The following SMARCD3 variants were observed in gnomAD, a reference collection of about 807,000 sequenced individuals.
SMARCD3 encodes the protein SWI/SNF related BAF chromatin remodeling complex subunit D3.
In SMARCD3, 14 loss-of-function variants were observed where a neutral mutation model predicts 58.0. The observed-to-expected ratio is 0.24, with a 90% CI of 0.16 to 0.38. SMARCD3 has a LOEUF of 0.38. Among genes scored for constraint, SMARCD3 ranks in the 10% least tolerant of loss-of-function variants. The probability of loss-of-function intolerance (pLI) is 1.00; values close to 1 mark genes in which losing one functional copy is unlikely to be tolerated. For synonymous variants in SMARCD3, 253 were observed against 253.8 expected (o/e 1.00, Z 0.03); for missense variants, 408 against 636.9 (o/e 0.64, Z 3.87).
At chr7:151,261,537 A>C (rs144364712) in intron 2 of SMARCD3, among the ~76,000 whole-genome samples, 1 of 152,292 alleles carries the variant, frequency 6.6e-6, no homozygotes, top group African/African-American at 2.4e-5. Context: ...GTGAAGATTA[A>C]AATGTGGTTG....
intron 2 of SMARCD3, among the ~76,000 whole-genome samples, chr7:151,259,072 C>A (rs1197132739): frequency 6.6e-6 from 1 of 152,100 alleles, no homozygotes; most frequent in Non-Finnish European, 1.5e-5. Flanking sequence ...AAGCTCCAGG[C>A]CGGGTGCAGT....
Position 151,242,649 on chromosome 7 carries a change from C to T in SMARCD3, c.457-46G>A, listed in dbSNP as rs201272648. 2.5e-4 allele frequency: 408 copies of T among 1,612,306 alleles called. No homozygotes were observed. The highest frequency in any genetic ancestry group is 3.0e-4 in the Non-Finnish European group (354 of 1,178,464). ...ACCGGGCGAATGCTGTGTGCTCCCA[C>T]CCCGACCACCCTGCTTCCCCATCCT... On this transcript the variant is annotated intron_variant, in intron 4 of 12. Coordinates refer to ENST00000262188, the MANE Select transcript of SMARCD3 (RefSeq NM_001003801.2). This position sits in a 1 kb window ranked among gnomAD's most constrained non-coding sequence, Gnocchi z 4.7.
At position 151,245,568 on chromosome 7, in the gene SMARCD3, G is replaced by T; in HGVS notation, c.182C>A (p.Ala61Asp). ...GCGGGCGGGCTCCATGCCCGCGGGG[G>T]CCAGGCCGGGTCGCACGGCGGGGCT... ...MGSPAVRPGL[A>D]PAGMEPARKR... The change falls in exon 2 of 13, where the codon GCC (alanine) becomes GAC (aspartate). Residue 61 changes from alanine (A) to aspartate (D), a missense_variant. By Grantham distance (126) the Ala-to-Asp change is moderately radical. Coordinates refer to ENST00000262188, the MANE Select transcript of SMARCD3 (RefSeq NM_001003801.2). The surrounding 1 kb of genome is among the most constrained non-coding windows in gnomAD (Gnocchi z 6.2). 2 of 1,172,640 alleles carry T rather than the reference G, an allele frequency of 1.7e-6. No individual in the cohort carries two copies. Among genetic ancestry groups the T allele is most frequent in the Non-Finnish European group, 2.1e-6 (2 of 935,206 alleles). The allele number at this position is 1,172,640 out of a possible 1,614,324, so 72.6% of individuals were successfully genotyped here.
At chr7:151,240,899 C>T (rs902279136) in intron 8 of SMARCD3, 3 of 278,752 alleles carry the variant, frequency 1.1e-5, no homozygotes, top group African/African-American at 2.2e-5. Flanking sequence ...AGTCAGTGAA[C>T]TAATACACAT....
Position 151,238,834 on chromosome 7 carries a change from T to G in SMARCD3, c.*269A>C. The G allele has an allele frequency of 6.6e-7, 1 of 1,514,982 alleles. No homozygotes were observed. The allele number at this position is 1,514,982 out of a possible 1,614,324, so 93.8% of individuals were successfully genotyped here. On this transcript the variant is annotated 3_prime_UTR_variant, in exon 13 of 13. Transcript: ENST00000262188. ...TGTCTTCTGCCAAACTGTTTTTAGG[T>G]CTAGGGAAAATTGAGTAAGGAGAAG...
chr7:151,258,387 A>G (rs1021474505), intron 2 of SMARCD3, among the ~76,000 whole-genome samples: 8 of 151,990 alleles, frequency 5.3e-5, no homozygotes, highest in African/African-American at 1.9e-4. Flanking sequence ...CAACATGGTG[A>G]AACCCCGTCT....
At chr7:151,271,899 C>T (rs1584899527) in intron 2 of SMARCD3, among the ~76,000 whole-genome samples, 1 of 152,174 alleles carries the variant, frequency 6.6e-6, no homozygotes, top group Non-Finnish European at 1.5e-5. Flanking sequence ...TTGGAGGCTG[C>T]AGTGAGCCAT....
chr7:151,247,362 G>T (rs1431677344), intron 1 of SMARCD3, among the ~76,000 whole-genome samples: 1 of 151,994 alleles, frequency 6.6e-6, no homozygotes, highest in African/African-American at 2.4e-5. Flanking sequence ...GTTACCCCCA[G>T]GGGTCCCTGG....
At position 151,241,465 on chromosome 7, in the gene SMARCD3, G is replaced by A. The variant is rs1190323206; in HGVS notation, c.939+27C>T. 3 of 1,604,158 alleles carry A rather than the reference G, an allele frequency of 1.9e-6. No homozygotes were observed. Among genetic ancestry groups the A allele is most frequent in the Non-Finnish European group, 2.6e-6 (3 of 1,174,476 alleles). ...GCTGGAGAACTCCGCCTGCTCCCCA[G>A]ATCCCAGGGTTCAGGAGAGAGGTTA... On this transcript the variant is annotated intron_variant, in intron 8 of 12. Transcript: ENST00000262188. This position sits in a 1 kb window ranked among gnomAD's most constrained non-coding sequence, Gnocchi z 5.3.
Position 151,239,485 on chromosome 7 carries a change from C to T in SMARCD3, c.1309G>A (p.Val437Ile), listed in dbSNP as rs1466650077. The T allele has an allele frequency of 6.8e-6, 11 of 1,613,662 alleles. No homozygotes were observed. The highest frequency in any genetic ancestry group is 2.2e-5 in the East Asian group (1 of 44,868). Residue 437 changes from valine to isoleucine, a missense_variant, in exon 12 of 13, where the codon GTA becomes ATA. By Grantham distance (29) the Val-to-Ile change is conservative. Transcript: ENST00000262188. The surrounding 1 kb of genome is among the most constrained non-coding windows in gnomAD (Gnocchi z 7.0). ...QSRDLKVMTD[V>I]AGNPEEERRA... ...CGCTCCTCTTCAGGGTTGCCGGCTA[C>T]ATCTGTCATCACCTGGGAGGGAGCG...
intron 2 of SMARCD3, among the ~76,000 whole-genome samples, chr7:151,259,618 T>TTTTG (rs1803849822): frequency 7.3e-6 from 1 of 136,236 alleles, no homozygotes; most frequent in African/African-American, 3.0e-5. Context: ...TTTTTTTTTT[T>TTTTG]TTTTTTTTGA....
chr7:151,241,369 G>T lies in SMARCD3; in HGVS notation c.939+123C>A. 1 of 842,570 alleles carries T rather than the reference G, an allele frequency of 1.2e-6. No individual in the cohort carries two copies. Among genetic ancestry groups the T allele is most frequent in the Non-Finnish European group, 2.0e-6 (1 of 507,760 alleles). The allele number at this position is 842,570 out of a possible 1,614,324, so 52.2% of individuals were successfully genotyped here. A position where few individuals can be genotyped will look rare whatever the true frequency, so the allele number is the denominator to read the frequency against. Reference sequence around the variant, plus strand: ...GTCTCTTGGCTCCAAGACCATGACTGTGTACTGCTTCTGCTACTCAGGAAT... The same window carrying T: ...GTCTCTTGGCTCCAAGACCATGACTTTGTACTGCTTCTGCTACTCAGGAAT... On this transcript the variant is annotated intron_variant, in intron 8 of 12. Coordinates refer to ENST00000262188, the MANE Select transcript of SMARCD3 (RefSeq NM_001003801.2). This position sits in a 1 kb window ranked among gnomAD's most constrained non-coding sequence, Gnocchi z 5.3.
In SMARCD3 at chr7:151,241,458, C is replaced by G. The variant is rs777287694; in HGVS notation, c.939+34G>C. The G allele has an allele frequency of 3.1e-6, 5 of 1,595,418 alleles. No homozygotes were observed. In the South Asian group the frequency reaches 5.6e-5, roughly 18 times the overall value. Reference sequence around the variant, plus strand: ...TTCCCCTGCTGGAGAACTCCGCCTGCTCCCCAGATCCCAGGGTTCAGGAGA... The same window carrying G: ...TTCCCCTGCTGGAGAACTCCGCCTGGTCCCCAGATCCCAGGGTTCAGGAGA... On this transcript the variant is annotated intron_variant, in intron 8 of 12. Transcript: ENST00000262188. This position sits in a 1 kb window ranked among gnomAD's most constrained non-coding sequence, Gnocchi z 5.3.
chr7:151,240,379 A>C, intron 9 of SMARCD3, 46 bp downstream of exon 9: 1 of 1,584,536 alleles, frequency 6.3e-7, no homozygotes, highest in Non-Finnish European at 8.7e-7. Flanking sequence ...GGAAGGCAGG[A>C]ACGAGATCAT....
At chr7:151,259,613 T>TG (rs778082158) in intron 2 of SMARCD3, among the ~76,000 whole-genome samples, 6,913 of 125,980 alleles carry the variant, frequency 0.055, 332 homozygotes, top group Non-Finnish European at 0.064. Flanking sequence ...TTTTTTTTTT[T>TG]TTTTTTTTTT....
chr7:151,270,493 C>G (rs1795142492), intron 2 of SMARCD3, among the ~76,000 whole-genome samples: 1 of 152,188 alleles, frequency 6.6e-6, no homozygotes, highest in Non-Finnish European at 1.5e-5. Context: ...TTTAAGGAGC[C>G]CTGCAACTCA....
In SMARCD3 at chr7:151,239,804, G is replaced by A. The variant is rs1944333679; in HGVS notation, c.1174-58C>T. 6.8e-7 allele frequency: 1 copy of A among 1,466,550 alleles called. No homozygotes were observed. Among genetic ancestry groups the A allele is most frequent in the Non-Finnish European group, 9.4e-7 (1 of 1,060,394 alleles). 90.8% of individuals were successfully genotyped at this position (1,466,550 alleles called of 1,614,324 possible). A position where few individuals can be genotyped will look rare whatever the true frequency, so the allele number is the denominator to read the frequency against. On this transcript the variant is annotated intron_variant, in intron 10 of 12. Transcript: ENST00000262188. This position sits in a 1 kb window ranked among gnomAD's most constrained non-coding sequence, Gnocchi z 7.0. ...GCTTTGGTGATGTGGGAGACGAGGG[G>A]AAAGGAAGCGGGTGGGAAGGGGAGG...
intron 9 of SMARCD3, 39 bp from the exon 10 acceptor site, chr7:151,240,286 C>T: frequency 6.8e-7 from 1 of 1,461,344 alleles, no homozygotes; most frequent in Non-Finnish European, 9.0e-7. Flanking sequence ...CACGATGCCC[C>T]CATACGGCCC....
At chr7:151,260,199 C>G (rs74911924) in intron 2 of SMARCD3, among the ~76,000 whole-genome samples, 1 of 152,164 alleles carries the variant, frequency 6.6e-6, no homozygotes, top group African/African-American at 2.4e-5. Context: ...CCAGTGTCCC[C>G]GTGCTAAAGC....
Sources: gnomAD v4.1 joint callset for allele counts (sites outside exome capture counted in the v4.1 genomes callset) on GRCh38, gnomAD v4.1.1 for gene constraint, Gnocchi (gnomAD v3.1) non-coding constraint, MANE v1.5 for transcripts, NCBI Gene and HGNC (gene_info 2026-07-23, HGNC 2026-07-21) for gene names.